The following SART1 variants were observed in gnomAD, a reference collection of about 807,000 sequenced individuals.
SART1 encodes U4/U6.U5 tri-snRNP-associated protein 1.
Under a neutral mutation model 105.0 loss-of-function variants are expected in SART1, and 28 were observed. That is an observed-to-expected ratio of 0.27 (90% CI 0.20 to 0.37). SART1 has a LOEUF of 0.37. Among genes scored for constraint, SART1 ranks in the 10% least tolerant of loss-of-function variants. The pLI is 1.00. For synonymous variants in SART1, 472 were observed against 462.9 expected (o/e 1.02, Z -0.25); for missense variants, 894 against 1,106.5 (o/e 0.81, Z 2.72).
rs1371775718 is a variant in SART1, at chr11:65,979,249, T to G, written c.*219T>G. ...CCCGGGTCCTCTAAGGCTCCTTCCTTCTCCCCTGGCTGTCGGTCACACCTC... is the reference window on the plus strand; with the variant it reads ...CCCGGGTCCTCTAAGGCTCCTTCCTGCTCCCCTGGCTGTCGGTCACACCTC... On this transcript the variant is annotated 3_prime_UTR_variant, in exon 20 of 20. Coordinates refer to ENST00000312397, the MANE Select transcript of SART1 (RefSeq NM_005146.5). 1 of 626,444 alleles carries G rather than the reference T, an allele frequency of 1.6e-6. No individual in the cohort carries two copies. The highest frequency in any genetic ancestry group is 2.8e-6 in the Non-Finnish European group (1 of 356,218). The allele number at this position is 626,444 out of a possible 1,614,324, so 38.8% of individuals were successfully genotyped here. A position where few individuals can be genotyped will look rare whatever the true frequency, so the allele number is the denominator to read the frequency against.
chr11:65,974,881 T>C (rs1855451645), intron 12 of SART1, among the ~76,000 whole-genome samples: 1 of 148,806 alleles, frequency 6.7e-6, no homozygotes, highest in African/African-American at 2.5e-5. Context: ...TGAAAAAAAA[T>C]ACAAAAAAAT....
chr11:65,978,893 G>A lies in SART1; in HGVS notation c.2363G>A (p.Gly788Asp). ...AQKTPYIVLSGSGKSMNANTI... is the reference protein window; with the variant it reads ...AQKTPYIVLSDSGKSMNANTI... ...AAGACCCCCTACATCGTGCTCAGCG[G>A]CAGCGGCAAGAGCATGAACGCGTGA... is the stretch of plus-strand genomic sequence containing the variant. The change falls in exon 19 of 20, where the codon GGC becomes GAC. Residue 788 changes from glycine to aspartate, a missense_variant. Gly to Asp is a moderately conservative substitution (Grantham distance 94). Around this residue, in one of 2 missense-constraint regions of SART1, gnomAD observed 182 missense variants for 328.3 expected, o/e 0.55. Transcript: ENST00000312397. The surrounding 1 kb of genome is among the most constrained non-coding windows in gnomAD (Gnocchi z 6.8). The A allele has an allele frequency of 1.9e-6, 3 of 1,614,058 alleles. No individual in the cohort carries two copies. The highest frequency in any genetic ancestry group is 2.5e-6 in the Non-Finnish European group (3 of 1,180,008).
chr11:65,978,480 C>A lies in SART1; in HGVS notation c.2173-120C>A. 2.1e-6 allele frequency: 2 copies of A among 933,020 alleles called. No individual in the cohort carries two copies. Among genetic ancestry groups the A allele is most frequent in the South Asian group, 2.9e-5 (2 of 67,950 alleles). 57.8% of individuals were successfully genotyped at this position (933,020 alleles called of 1,614,324 possible). ...CTCTTTTCCCATCCCCTTCCCACTG[C>A]ACCCCAGGCCTGGCATTGGGGTCAA... On this transcript the variant is annotated intron_variant, in intron 17 of 19. Coordinates refer to ENST00000312397, the MANE Select transcript of SART1 (RefSeq NM_005146.5). The surrounding 1 kb of genome is among the most constrained non-coding windows in gnomAD (Gnocchi z 6.8).
At position 65,966,416 on chromosome 11, in the gene SART1, C is replaced by G. The variant is rs766609883; in HGVS notation, c.1048C>G (p.Arg350Gly). The G allele has an allele frequency of 6.2e-7, 1 of 1,613,876 alleles. No homozygotes were observed. Among genetic ancestry groups the G allele is most frequent in the Admixed American group, 1.7e-5 (1 of 60,026 alleles). Reference protein sequence around the residue: ...ELEGERPHSFRLEQGGTADGL... With the variant: ...ELEGERPHSFGLEQGGTADGL... ...TGAAGGGGAGCGGCCACATTCCTTCCGCTTGGAGCAGGGCGGCACGGCTGA... is the reference window on the plus strand; with the variant it reads ...TGAAGGGGAGCGGCCACATTCCTTCGGCTTGGAGCAGGGCGGCACGGCTGA... Residue 350 changes from arginine to glycine, a missense_variant, in exon 9 of 20, where the codon CGC becomes GGC. Physicochemically the swap from Arg to Gly is moderately radical, Grantham distance 125 (BLOSUM62 -2). Coordinates refer to ENST00000312397, the MANE Select transcript of SART1 (RefSeq NM_005146.5).
rs776387852 is a variant in SART1, at chr11:65,978,835, G to A, written c.2305G>A (p.Val769Met). 1.2e-6 allele frequency: 2 copies of A among 1,614,010 alleles called. No homozygotes were observed. The highest frequency in any genetic ancestry group is 1.1e-5 in the South Asian group (1 of 91,086). ...MSSSDTPLGT[V>M]ALLQEKQKAQ... is the part of the protein sequence containing the mutation. ...CTCCAGCGACACGCCCCTGGGCACC[G>A]TGGCCCTGCTCCAGGAGAAGCAGAA... The change falls in exon 19 of 20, where the codon GTG becomes ATG. Residue 769 changes from valine (V) to methionine (M), a missense_variant. Coordinates refer to ENST00000312397, the MANE Select transcript of SART1 (RefSeq NM_005146.5). This position sits in a 1 kb window ranked among gnomAD's most constrained non-coding sequence, Gnocchi z 6.8.
chr11:65,965,280 C>T (rs1405349674), intron 4 of SART1, 62 bp downstream of exon 4: 1 of 1,605,314 alleles, frequency 6.2e-7, no homozygotes, highest in Non-Finnish European at 8.5e-7. Flanking sequence ...CCTTGGCTGC[C>T]TCTTGAGTGG....
chr11:65,977,932 C>G lies in SART1; in HGVS notation c.2172+33C>G, dbSNP rs78664826. On this transcript the variant is annotated intron_variant, in intron 17 of 19. Coordinates refer to ENST00000312397, the MANE Select transcript of SART1 (RefSeq NM_005146.5). Reference sequence around the variant, plus strand: ...GGGCCTTTTGCAGGCGGAGGCCCGGCCTGCCACAGGGAGGCCAAGCCCAGG... The same window carrying G: ...GGGCCTTTTGCAGGCGGAGGCCCGGGCTGCCACAGGGAGGCCAAGCCCAGG... 6.5e-3 allele frequency: 10,321 copies of G among 1,592,340 alleles called. 467 individuals carry two copies. The African/African-American group carries it at 0.1, about 16-fold the overall frequency.
Position 65,969,323 on chromosome 11 carries a change from C to T in SART1, c.1572+1502C>T, listed in dbSNP as rs191355920. 1.1e-3 allele frequency among the ~76,000 whole-genome samples: 173 copies of T among 152,208 alleles called. 4 individuals are homozygous for T. The East Asian group carries it at 0.024, about 21-fold the overall frequency. ...AACAGGTGTTGGGACATAGTTTGCC[C>T]GGCTAAAAAGGAACAGAGAAATGGA... On this transcript the variant is annotated intron_variant, in intron 12 of 19. Coordinates refer to ENST00000312397, the MANE Select transcript of SART1 (RefSeq NM_005146.5).
Position 65,978,240 on chromosome 11 carries a change from G to C in SART1, c.2172+341G>C. The C allele has an allele frequency of 4.0e-6, 2 of 495,734 alleles. No individual in the cohort carries two copies. Among genetic ancestry groups the C allele is most frequent in the Non-Finnish European group, 7.3e-6 (2 of 273,512 alleles). 30.7% of individuals were successfully genotyped at this position (495,734 alleles called of 1,614,324 possible). Reference sequence around the variant, plus strand: ...GCGTCCAGGCCCTTCCAGCACTCTCGTAGGCCGCCCGACCGTCCTGCCCTA... The same window carrying C: ...GCGTCCAGGCCCTTCCAGCACTCTCCTAGGCCGCCCGACCGTCCTGCCCTA... On this transcript the variant is annotated intron_variant, in intron 17 of 19. Transcript: ENST00000312397. The surrounding 1 kb of genome is among the most constrained non-coding windows in gnomAD (Gnocchi z 6.8).
In SART1 at chr11:65,979,066, A is replaced by T; in HGVS notation, c.*36A>T. 1 of 1,613,760 alleles carries T rather than the reference A, an allele frequency of 6.2e-7. No individual in the cohort carries two copies. Among genetic ancestry groups the T allele is most frequent in the Non-Finnish European group, 8.5e-7 (1 of 1,179,704 alleles). The stretch of plus-strand genomic sequence containing the variant: ...CCGCCCCGGCCCTGCCTCAACCTTC[A>T]TATTAAATAAAGCTCCCTCCTTATT... On this transcript the variant is annotated 3_prime_UTR_variant, in exon 20 of 20. Coordinates refer to ENST00000312397, the MANE Select transcript of SART1 (RefSeq NM_005146.5).
In SART1 at chr11:65,978,825, C is replaced by A; in HGVS notation, c.2295C>A (p.Pro765=). 1.2e-6 allele frequency: 2 copies of A among 1,614,068 alleles called. No homozygotes were observed. The highest frequency in any genetic ancestry group is 1.7e-6 in the Non-Finnish European group (2 of 1,179,992). Residue 765 remains proline, a synonymous_variant, in exon 19 of 20, where the codon CCC becomes CCA. Coordinates refer to ENST00000312397, the MANE Select transcript of SART1 (RefSeq NM_005146.5). The surrounding 1 kb of genome is among the most constrained non-coding windows in gnomAD (Gnocchi z 6.8). Reference sequence around the variant, plus strand: ...AGAAGATGAGCTCCAGCGACACGCCCCTGGGCACCGTGGCCCTGCTCCAGG... The same window carrying A: ...AGAAGATGAGCTCCAGCGACACGCCACTGGGCACCGTGGCCCTGCTCCAGG... ...LLKKMSSSDT[P]LGTVALLQEK... is the part of the protein sequence containing the mutation.
intron 12 of SART1, among the ~76,000 whole-genome samples, chr11:65,974,198 TAAAA>T (rs1168176073): frequency 2.9e-5 from 2 of 69,332 alleles, no homozygotes; most frequent in African/African-American, 1.2e-4. Context: ...CCCTCTCTAC[TAAAA>T]AAAAAAAAAA....
intron 12 of SART1, among the ~76,000 whole-genome samples, chr11:65,971,712 G>T (rs1052658673): frequency 6.6e-6 from 1 of 151,990 alleles, no homozygotes; most frequent in Non-Finnish European, 1.5e-5. Flanking sequence ...TTTCTAGGGA[G>T]GAGGGACAAG....
chr11:65,966,317 C>G (rs768594116), intron 8 of SART1, 33 bp from the exon 9 acceptor site: 1 of 1,613,822 alleles, frequency 6.2e-7, no homozygotes, highest in Admixed American at 1.7e-5. Context: ...CAGGAGCCAG[C>G]CTGGGTCCCA....
At chr11:65,967,935 TG>T in intron 12 of SART1, 114 bp downstream of exon 12, 1 of 986,520 alleles carries the variant, frequency 1.0e-6, no homozygotes. Flanking sequence ...ATTTGTTTTT[TG>T]TTTTCTGGGT....
chr11:65,968,746 G>T (rs899288238), intron 12 of SART1, among the ~76,000 whole-genome samples: 1 of 152,166 alleles, frequency 6.6e-6, no homozygotes, highest in Non-Finnish European at 1.5e-5. Context: ...GGCCAGGGAG[G>T]CTGGAGCAGA....
chr11:65,963,479 TTTGTTTTGTTTTG>T (rs1855185687), intron 1 of SART1, among the ~76,000 whole-genome samples: 1 of 151,616 alleles, frequency 6.6e-6, no homozygotes, highest in South Asian at 2.1e-4. Flanking sequence ...GAGTTTTTTT[TTTGTTTTGTTTTG>T]TTTTTTTGAG....
At position 65,965,209 on chromosome 11, in the gene SART1, A is replaced by G; in HGVS notation, c.545A>G (p.Gln182Arg). The change falls in exon 4 of 20, where the codon CAA becomes CGA. Residue 182 changes from glutamine to arginine, a missense_variant. Coordinates refer to ENST00000312397, the MANE Select transcript of SART1 (RefSeq NM_005146.5). ...AAAKEKRLLN[Q>R]KLGKIKTLGE... ...GCCAAGGAGAAGCGCCTGCTGAACC[A>G]AAAGCTGGGGTGAGGGGTCCTGGCC... is the stretch of plus-strand genomic sequence containing the variant. 6.2e-7 allele frequency: 1 copy of G among 1,606,082 alleles called. No homozygotes were observed. Among genetic ancestry groups the G allele is most frequent in the Non-Finnish European group, 8.5e-7 (1 of 1,178,038 alleles).
intron 12 of SART1, among the ~76,000 whole-genome samples, chr11:65,968,819 T>C (rs975135755): frequency 3.9e-5 from 6 of 152,162 alleles, no homozygotes; most frequent in Non-Finnish European, 8.8e-5. Context: ...AGGGGGAGCC[T>C]TGACCCCATG....
Sources: gnomAD v4.1 joint callset for allele counts (sites outside exome capture counted in the v4.1 genomes callset) on GRCh38, gnomAD v4.1.1 for gene constraint, gnomAD v4.1.1 regional missense constraint, Gnocchi (gnomAD v3.1) non-coding constraint, MANE v1.5 for transcripts, NCBI Gene and HGNC (gene_info 2026-07-23, HGNC 2026-07-21) for gene names.